Variants in MED12L observed in about 807,000 individuals in gnomAD.
MED12L encodes mediator of RNA polymerase II transcription subunit 12-like protein.
A neutral mutation model predicts 281.3 loss-of-function variants in MED12L; 60 were observed. The observed-to-expected ratio is 0.21, with a 90% confidence interval of 0.17 to 0.26. The LOEUF is 0.26. Among genes scored for constraint, MED12L ranks in the 10% least tolerant of loss-of-function variants. MED12L has a pLI of 1.00. For missense variants in MED12L, 2,146 were observed against 2,680.9 expected (o/e 0.80, Z 4.41); for synonymous variants, 974 against 987.2 (o/e 0.99, Z 0.25).
In MED12L at chr3:151,346,944, T is replaced by A. The variant is rs146405978; in HGVS notation, c.2251-3115T>A. 3.8e-4 allele frequency among the ~76,000 whole-genome samples: 58 copies of A among 152,306 alleles called. 1 individual carries two copies. The highest frequency in any genetic ancestry group is 3.4e-3 in the Middle Eastern group (1 of 294). On this transcript the variant is annotated intron_variant, in intron 16 of 44. Coordinates refer to ENST00000687756, the MANE Select transcript of MED12L (RefSeq NM_001393769.1). ...AATTTTTTATACATTGTAAATAGATTAATAATAATTACTTGGTAATATAAA... is the reference window on the plus strand; with the variant it reads ...AATTTTTTATACATTGTAAATAGATAAATAATAATTACTTGGTAATATAAA...
rs1195134783 is a variant in MED12L, at chr3:151,185,415, C to T, written c.1580C>T (p.Ala527Val). 6.2e-7 allele frequency: 1 copy of T among 1,613,936 alleles called. No homozygotes were observed. Among genetic ancestry groups the T allele is most frequent in the East Asian group, 2.2e-5 (1 of 44,842 alleles). The change falls in exon 12 of 45, where the codon GCT becomes GTT. Residue 527 changes from alanine (A) to valine (V), a missense_variant. Ala to Val is a moderately conservative substitution (Grantham distance 64). Transcript: ENST00000687756. ...CKRSGKHRAM[A>V]VAKLLEKRQA... is the part of the protein sequence containing the mutation. Reference sequence around the variant, plus strand: ...CGGTCTGGCAAGCACAGGGCCATGGCTGTGGCAAAACTCCTGGAGAAGAGG... The same window carrying T: ...CGGTCTGGCAAGCACAGGGCCATGGTTGTGGCAAAACTCCTGGAGAAGAGG...
chr3:151,348,086 A>C (rs771413549), intron 16 of MED12L, among the ~76,000 whole-genome samples: 4 of 152,160 alleles, frequency 2.6e-5, no homozygotes, highest in Non-Finnish European at 5.9e-5. Context: ...TGAAGACAGG[A>C]ATCATTCATC....
chr3:151,227,393 C>G (rs1392245087), intron 16 of MED12L, among the ~76,000 whole-genome samples: 2 of 152,076 alleles, frequency 1.3e-5, no homozygotes, highest in Non-Finnish European at 2.9e-5. Context: ...ACAGATCCAA[C>G]TCTTGATTAT....
At chr3:151,217,822 A>C (rs1728538683) in intron 16 of MED12L, among the ~76,000 whole-genome samples, 1 of 152,170 alleles carries the variant, frequency 6.6e-6, no homozygotes, top group Non-Finnish European at 1.5e-5. Flanking sequence ...GTGAGAACAT[A>C]CTGTCTTACG....
At chr3:151,338,838 G>C in intron 16 of MED12L, 1 of 1,613,422 alleles carries the variant, frequency 6.2e-7, no homozygotes, top group Non-Finnish European at 8.5e-7. Context: ...GTTGTCGACG[G>C]CTTGCATTTC....
intron 16 of MED12L, among the ~76,000 whole-genome samples, chr3:151,194,157 G>A (rs185951636): frequency 6.6e-6 from 1 of 152,102 alleles, no homozygotes; most frequent in East Asian, 1.9e-4. Flanking sequence ...AGTAGAGACA[G>A]GTTTTCACCA....
At chr3:151,402,744 CTG>C (rs1456780932) in intron 39 of MED12L, among the ~76,000 whole-genome samples, 4 of 152,292 alleles carry the variant, frequency 2.6e-5, no homozygotes, top group African/African-American at 9.6e-5. Flanking sequence ...GTGTTGCAGT[CTG>C]TAGTGAGGAT....
At chr3:151,182,426 A>G (rs1382104687) in intron 11 of MED12L, among the ~76,000 whole-genome samples, 2 of 152,256 alleles carry the variant, frequency 1.3e-5, no homozygotes, top group East Asian at 3.8e-4. Context: ...ATAAGTGAAG[A>G]AAACATTTTC....
At chr3:151,278,259 T>A (rs759454445) in intron 16 of MED12L, 4 of 152,220 alleles carry the variant, frequency 2.6e-5, no homozygotes, top group Non-Finnish European at 5.9e-5. Context: ...TACATGCAAG[T>A]CATTTCATGG....
intron 16 of MED12L, chr3:151,248,983 G>A (rs894223352): frequency 2.0e-5 from 3 of 152,146 alleles, no homozygotes; most frequent in African/African-American, 7.2e-5. Context: ...TTGACCAGTG[G>A]GAAACACTGC....
intron 41 of MED12L, among the ~76,000 whole-genome samples, chr3:151,411,769 AGT>A (rs1434567471): frequency 1.3e-5 from 2 of 152,132 alleles, no homozygotes; most frequent in African/African-American, 4.8e-5. Flanking sequence ...TTTACGTGAT[AGT>A]GTGTTTGCTT....
chr3:151,415,110 C>G (rs1717394877), intron 42 of MED12L, among the ~76,000 whole-genome samples: 1 of 152,148 alleles, frequency 6.6e-6, no homozygotes, highest in Admixed American at 6.5e-5. Context: ...TGTTTACTTA[C>G]CAGTTTTAAA....
At chr3:151,328,955 T>A (rs1189050105) in intron 16 of MED12L, 1 of 1,613,686 alleles carries the variant, frequency 6.2e-7, no homozygotes, top group Non-Finnish European at 8.5e-7. Context: ...GGGGCACCGC[T>A]CAGATCTGTT....
chr3:151,103,408 A>G lies in MED12L; in HGVS notation c.100-12930A>G, dbSNP rs73012994. 2.5e-3 allele frequency among the ~76,000 whole-genome samples: 381 copies of G among 152,348 alleles called. 1 individual carries two copies. The highest frequency in any genetic ancestry group is 8.5e-3 in the African/African-American group (353 of 41,574). On this transcript the variant is annotated intron_variant, in intron 2 of 44. Coordinates refer to ENST00000687756, the MANE Select transcript of MED12L (RefSeq NM_001393769.1). ...GAATCAGAGGCTCTCTCCCACTTTTAAATGAGGGAGGAGGAACTGCCTGTC... is the reference window on the plus strand; with the variant it reads ...GAATCAGAGGCTCTCTCCCACTTTTGAATGAGGGAGGAGGAACTGCCTGTC...
chr3:151,158,148 A>T (rs1719529193), intron 6 of MED12L, among the ~76,000 whole-genome samples: 1 of 152,172 alleles, frequency 6.6e-6, no homozygotes, highest in Non-Finnish European at 1.5e-5. Context: ...AAATGTTTAT[A>T]CATTATTTTA....
At chr3:151,217,287 CAG>C (rs1376520087) in intron 16 of MED12L, among the ~76,000 whole-genome samples, 1 of 152,128 alleles carries the variant, frequency 6.6e-6, no homozygotes, top group African/African-American at 2.4e-5. Flanking sequence ...ATTATTTTCT[CAG>C]AGTCTTGTGT....
chr3:151,154,760 C>G (rs1289410708), intron 5 of MED12L, among the ~76,000 whole-genome samples: 1 of 152,140 alleles, frequency 6.6e-6, no homozygotes, highest in African/African-American at 2.4e-5. Context: ...TTTTGTTGAA[C>G]AAGTGAGTGT....
chr3:151,102,781 T>C (rs927358141), intron 2 of MED12L, among the ~76,000 whole-genome samples: 5 of 152,300 alleles, frequency 3.3e-5, no homozygotes, highest in Middle Eastern at 6.8e-3. Context: ...CCTTGTTATT[T>C]TTCATGAATT....
chr3:151,135,677 G>A (rs1473681805), intron 5 of MED12L, among the ~76,000 whole-genome samples: 1 of 152,218 alleles, frequency 6.6e-6, no homozygotes. Flanking sequence ...TGTGTGTGGT[G>A]TGGGTCTGGG....
Sources: gnomAD v4.1 joint callset for allele counts (sites outside exome capture counted in the v4.1 genomes callset) on GRCh38, gnomAD v4.1.1 for gene constraint, MANE v1.5 for transcripts, NCBI Gene and HGNC (gene_info 2026-07-23, HGNC 2026-07-21) for gene names.